SOD2: variants seen among roughly 807,000 people sequenced by gnomAD.
SOD2 encodes the protein superoxide dismutase 2.
SOD2 carries 11 observed loss-of-function variants against 27.0 expected under a neutral mutation model. The ratio of observed to expected loss-of-function variants is 0.41; its 90% CI spans 0.26 to 0.67. The LOEUF (loss-of-function observed/expected upper bound fraction) is 0.67. Among genes scored for constraint, SOD2 ranks in the 30% least tolerant of loss-of-function variants. The pLI is 0.34. For missense variants in SOD2, 250 were observed against 274.5 expected, an observed-to-expected ratio of 0.91 and a Z score of 0.63; for synonymous variants, 105 against 103.0, an observed-to-expected ratio of 1.02 and a Z score of -0.12.
intron 1 of SOD2, among the ~76,000 whole-genome samples, chr6:159,716,324 C>G (rs1777920701): frequency 6.6e-6 from 1 of 152,198 alleles, no homozygotes; most frequent in Admixed American, 6.5e-5. Context: ...CAGGGACTTT[C>G]CATTCTTGAC....
At chr6:159,759,746 C>A (rs968907681) in intron 1 of SOD2, among the ~76,000 whole-genome samples, 1 of 152,018 alleles carries the variant, frequency 6.6e-6, no homozygotes, top group African/African-American at 2.4e-5. Flanking sequence ...AGTAGATAAT[C>A]ATATGAGTAG....
At chr6:159,688,052 G>A in intron 3 of SOD2, 74 bp downstream of exon 3, 1 of 860,270 alleles carries the variant, frequency 1.2e-6, no homozygotes, top group Non-Finnish European at 1.9e-6. Flanking sequence ...CAAGTATAAG[G>A]TAACTTCAGT....
chr6:159,755,601 C>G, intron 1 of SOD2: 1 of 1,599,098 alleles, frequency 6.3e-7, no homozygotes, highest in Non-Finnish European at 8.5e-7. Context: ...GTACAGGGTT[C>G]AGTTTTGTAA....
exon 1 of SOD2, chr6:159,762,203 G>A: frequency 1.3e-6 from 2 of 1,557,578 alleles, no homozygotes; most frequent in Non-Finnish European, 8.7e-7. Context: ...CAGGAGCGCC[G>A]AGGGCCGGAC....
At chr6:159,756,882 G>A (rs185166486) in intron 1 of SOD2, among the ~76,000 whole-genome samples, 227 of 152,306 alleles carry the variant, frequency 1.5e-3, no homozygotes, top group Admixed American at 2.4e-3. Context: ...GGGATTGCAG[G>A]AGTGAGCTAC....
At chr6:159,701,888 C>T (rs551881526) in intron 1 of SOD2, among the ~76,000 whole-genome samples, 8 of 152,088 alleles carry the variant, frequency 5.3e-5, no homozygotes, top group Non-Finnish European at 8.8e-5. Flanking sequence ...CCCTTCTTGC[C>T]AGAGGATCAC....
intron 1 of SOD2, among the ~76,000 whole-genome samples, chr6:159,742,598 C>CTAT (rs1314406673): frequency 6.6e-6 from 1 of 151,912 alleles, no homozygotes; most frequent in Non-Finnish European, 1.5e-5. Flanking sequence ...CTGAAAATAA[C>CTAT]GTTTATCATT....
chr6:159,699,972 A>G (rs1777495263), intron 1 of SOD2, among the ~76,000 whole-genome samples: 1 of 152,186 alleles, frequency 6.6e-6, no homozygotes, highest in South Asian at 2.1e-4. Context: ...CCCAGGACTC[A>G]ATCCATCTTG....
At chr6:159,741,242 A>G (rs1429577659) in intron 1 of SOD2, among the ~76,000 whole-genome samples, 1 of 152,206 alleles carries the variant, frequency 6.6e-6, no homozygotes, top group Non-Finnish European at 1.5e-5. Context: ...AAGTATAATG[A>G]AGAACAACGG....
chr6:159,754,601 C>T (rs577262113), intron 1 of SOD2, among the ~76,000 whole-genome samples: 66 of 152,290 alleles, frequency 4.3e-4, no homozygotes, highest in Middle Eastern at 3.4e-3. Context: ...GTCATATTTA[C>T]ATATAAACCT....
At chr6:159,727,031 G>A (rs1454158543) in intron 1 of SOD2, 6 of 1,231,754 alleles carry the variant, frequency 4.9e-6, no homozygotes, top group Non-Finnish European at 5.2e-6. Flanking sequence ...GCAGCCGCAG[G>A]TGGCCCCGGC....
At chr6:159,748,423 A>G, upstream of SOD2, 1 of 1,599,274 alleles carries the variant, frequency 6.3e-7, no homozygotes, top group Non-Finnish European at 8.5e-7. This position sits in a 1 kb window ranked among gnomAD's most constrained non-coding sequence, Gnocchi z 5.6. Context: ...CACTACGAGA[A>G]AGCTGTGGTG....
intron 1 of SOD2, among the ~76,000 whole-genome samples, chr6:159,708,399 C>T (rs568800529): frequency 6.6e-6 from 1 of 152,196 alleles, no homozygotes; most frequent in African/African-American, 2.4e-5. Flanking sequence ...TCTCCTTAAG[C>T]TGATAAGCAA....
At chr6:159,690,425 G>A (rs959580355) in intron 2 of SOD2, among the ~76,000 whole-genome samples, 4 of 152,006 alleles carry the variant, frequency 2.6e-5, no homozygotes, top group South Asian at 2.1e-4. Context: ...GTGTGACCCC[G>A]TCTGTTTTTT....
chr6:159,707,333 T>C (rs1480994634), intron 1 of SOD2, among the ~76,000 whole-genome samples: 1 of 152,130 alleles, frequency 6.6e-6, no homozygotes, highest in African/African-American at 2.4e-5. Flanking sequence ...ATCCAGAAGC[T>C]GGTTTTCTGG....
intron 1 of SOD2, among the ~76,000 whole-genome samples, chr6:159,737,495 T>C (rs1178561860): frequency 1.8e-4 from 28 of 152,114 alleles, no homozygotes; most frequent in Non-Finnish European, 3.8e-4. Flanking sequence ...TTATTTTATT[T>C]TTATTTTTTA....
intron 1 of SOD2, among the ~76,000 whole-genome samples, chr6:159,707,646 G>C (rs1283379230): frequency 6.6e-6 from 1 of 152,120 alleles, no homozygotes; most frequent in African/African-American, 2.4e-5. Flanking sequence ...ACCAAAAAAA[G>C]TCCAGGACTA....
intron 1 of SOD2, among the ~76,000 whole-genome samples, chr6:159,741,137 C>G (rs924492012): frequency 6.6e-6 from 1 of 152,168 alleles, no homozygotes; most frequent in African/African-American, 2.4e-5. Flanking sequence ...AGCAGACATT[C>G]AGGGCAGGGT....
At chr6:159,721,332 G>A (rs1778036641) in intron 1 of SOD2, among the ~76,000 whole-genome samples, 1 of 151,702 alleles carries the variant, frequency 6.6e-6, no homozygotes, top group African/African-American at 2.4e-5. Context: ...CTCCCAAAGT[G>A]CTGGGATTAC....
Sources: allele counts gnomAD v4.1 joint callset (sites outside exome capture counted in the v4.1 genomes callset), GRCh38; gene constraint gnomAD v4.1.1; non-coding constraint Gnocchi (gnomAD v3.1); transcripts MANE v1.5; gene names NCBI Gene and HGNC (gene_info 2026-07-23, HGNC 2026-07-21).